Variants in DYNC2I1 observed in about 807,000 individuals in gnomAD.
DYNC2I1 encodes cytoplasmic dynein 2 intermediate chain 1.
In DYNC2I1, 89 loss-of-function variants were observed where a neutral mutation model predicts 133.4. That is an observed-to-expected ratio of 0.67 (90% CI 0.56 to 0.80). The LOEUF is 0.80. Ranked by LOEUF, DYNC2I1 falls within the 30% of genes least tolerant of loss-of-function variation. The probability of loss-of-function intolerance (pLI) is 0.00; values close to 1 mark genes in which losing one functional copy is unlikely to be tolerated. For missense variants in DYNC2I1, 1,291 were observed against 1,314.5 expected (o/e 0.98, Z 0.28); for synonymous variants, 504 against 484.3 (o/e 1.04, Z -0.54).
chr7:158,951,538 A>G (rs1335481524), intron 4 of DYNC2I1, among the ~76,000 whole-genome samples: 1 of 152,222 alleles, frequency 6.6e-6, no homozygotes, highest in Non-Finnish European at 1.5e-5. Flanking sequence ...CCTACCAGCC[A>G]CAGGAAGGTG....
intron 23 of DYNC2I1, among the ~76,000 whole-genome samples, chr7:158,939,826 C>G (rs1851151082): frequency 6.6e-6 from 1 of 152,018 alleles, no homozygotes; most frequent in South Asian, 2.1e-4. Flanking sequence ...ATACTCATGG[C>G]AGATAAATTA....
At chr7:158,917,337 A>G (rs1296735525) in intron 14 of DYNC2I1, among the ~76,000 whole-genome samples, 2 of 151,020 alleles carry the variant, frequency 1.3e-5, no homozygotes, top group Non-Finnish European at 3.0e-5. Flanking sequence ...CCTGCCCTCC[A>G]CACTCCACCC....
At position 158,922,600 on chromosome 7, in the gene DYNC2I1, C is replaced by G. The variant is rs181470497; in HGVS notation, c.2094+51C>G. The G allele has an allele frequency of 9.2e-3, 14,432 of 1,570,432 alleles. 91 individuals are homozygous for G. Among genetic ancestry groups the G allele is most frequent in the Non-Finnish European group, 9.9e-3 (11,375 of 1,151,716 alleles). On this transcript the variant is annotated intron_variant, in intron 16 of 24. Transcript: ENST00000407559. ...GTTTGATGGGAGGATGGGCAGTGGA[C>G]AGAGCGTGAAGGTGCAGGTGGGGAG...
chr7:158,949,933 G>C (rs1017834867), downstream of DYNC2I1, among the ~76,000 whole-genome samples: 4 of 152,000 alleles, frequency 2.6e-5, no homozygotes, highest in Non-Finnish European at 5.9e-5. Flanking sequence ...CACCACACCT[G>C]GCTAATTTTG....
chr7:158,920,009 C>T (rs917576070), intron 15 of DYNC2I1, among the ~76,000 whole-genome samples: 5 of 149,150 alleles, frequency 3.4e-5, no homozygotes, highest in Admixed American at 6.7e-5. Flanking sequence ...TCGGAGAACA[C>T]GTGAAGTGTG....
chr7:158,921,778 T>C (rs1377054556), intron 15 of DYNC2I1, among the ~76,000 whole-genome samples: 1 of 152,220 alleles, frequency 6.6e-6, no homozygotes, highest in Non-Finnish European at 1.5e-5. Context: ...GTCCAGTTCT[T>C]TGACTGAAGT....
chr7:158,889,545 C>T (rs1242168119), intron 7 of DYNC2I1, among the ~76,000 whole-genome samples: 3 of 152,086 alleles, frequency 2.0e-5, no homozygotes, highest in African/African-American at 7.2e-5. Flanking sequence ...CCAATTTTGT[C>T]TCTAAGCTCC....
At chr7:158,896,015 G>T (rs60114386) in intron 8 of DYNC2I1, among the ~76,000 whole-genome samples, 9,506 of 151,864 alleles carry the variant, frequency 0.063, 387 homozygotes, top group African/African-American at 0.11. Context: ...TTCCAGTCAG[G>T]TTTTTTTTGT....
chr7:158,893,928 A>G (rs62476462), intron 8 of DYNC2I1, among the ~76,000 whole-genome samples: 21,933 of 151,778 alleles, frequency 0.14, 1,795 homozygotes, highest in Middle Eastern at 0.22. Flanking sequence ...ACCATCTATC[A>G]TAGTGCTTAT....
At chr7:158,858,155 C>G (rs111907451) in intron 1 of DYNC2I1, among the ~76,000 whole-genome samples, 5,656 of 152,250 alleles carry the variant, frequency 0.037, 369 homozygotes, top group African/African-American at 0.13. Context: ...CCTGCACTCC[C>G]CATTTCTCCC....
chr7:158,841,224 T>TTTTTTTTTA, the DYNC2I1 span, among the ~76,000 whole-genome samples: 1 of 113,708 alleles, frequency 8.8e-6, no homozygotes, highest in African/African-American at 3.4e-5. Flanking sequence ...TATATATATT[T>TTTTTTTTTA]TAGACAGAGT....
At position 158,901,801 on chromosome 7, in the gene DYNC2I1, T is replaced by C; in HGVS notation, c.1122T>C (p.Cys374=). ...NARADAYTAS[C]EDDFEDYEDD... is the part of the protein sequence containing the mutation. Reference sequence around the variant, plus strand: ...GAGCTGATGCATATACAGCCAGTTGTGAAGATGATTTTGAAGTATGTATAA... The same window carrying C: ...GAGCTGATGCATATACAGCCAGTTGCGAAGATGATTTTGAAGTATGTATAA... Residue 374 remains cysteine (C), a synonymous_variant, in exon 9 of 25, where the codon TGT becomes TGC. Coordinates refer to ENST00000407559, the MANE Select transcript of DYNC2I1 (RefSeq NM_018051.5). 2 of 1,574,092 alleles carry C rather than the reference T, an allele frequency of 1.3e-6. No individual in the cohort carries two copies. The highest frequency in any genetic ancestry group is 1.9e-5 in the Admixed American group (1 of 53,156).
intron 24 of DYNC2I1, among the ~76,000 whole-genome samples, chr7:158,942,426 A>ACAC (rs1459872056): frequency 6.6e-6 from 1 of 152,304 alleles, no homozygotes; most frequent in Non-Finnish European, 1.5e-5. Context: ...GCCTGTTCCC[A>ACAC]CACCACCACC....
chr7:158,943,781 G>A (rs969260011), intron 24 of DYNC2I1, among the ~76,000 whole-genome samples: 7 of 152,162 alleles, frequency 4.6e-5, no homozygotes, highest in African/African-American at 1.2e-4. Context: ...GAAGGAGAAC[G>A]TGCTAGGGAC....
chr7:158,909,060 G>C (rs1185106672), intron 11 of DYNC2I1, among the ~76,000 whole-genome samples: 1 of 152,134 alleles, frequency 6.6e-6, no homozygotes, highest in African/African-American at 2.4e-5. Context: ...GCCAGGCATA[G>C]TGGCTCATGC....
chr7:158,883,209 T>C (rs1844222849), intron 5 of DYNC2I1, among the ~76,000 whole-genome samples: 1 of 150,396 alleles, frequency 6.6e-6, no homozygotes, highest in Non-Finnish European at 1.5e-5. Context: ...TATGATATTT[T>C]TTCTTCTTCT....
At chr7:158,942,685 C>G (rs892378908) in intron 24 of DYNC2I1, among the ~76,000 whole-genome samples, 1 of 152,172 alleles carries the variant, frequency 6.6e-6, no homozygotes, top group African/African-American at 2.4e-5. Flanking sequence ...GAACGAGGTA[C>G]TTGGTGTTCC....
intron 14 of DYNC2I1, among the ~76,000 whole-genome samples, chr7:158,915,430 C>G (rs62476475): frequency 0.022 from 2,096 of 95,060 alleles, 1 homozygote; most frequent in Middle Eastern, 0.03. Flanking sequence ...CGTCGACACG[C>G]TGGTTGAGAT....
chr7:158,911,948 C>T (rs1049855571), intron 12 of DYNC2I1, among the ~76,000 whole-genome samples: 3 of 152,168 alleles, frequency 2.0e-5, no homozygotes. Flanking sequence ...CTGTCCTGAC[C>T]TTGGAGTGAA....
Sources: allele counts gnomAD v4.1 joint callset (sites outside exome capture counted in the v4.1 genomes callset), GRCh38; gene constraint gnomAD v4.1.1; transcripts MANE v1.5; gene names NCBI Gene and HGNC (gene_info 2026-07-23, HGNC 2026-07-21).